Variants in CDCA8 observed in about 807,000 individuals in gnomAD.
CDCA8 encodes the protein borealin.
In CDCA8, 25 loss-of-function variants were observed where a neutral mutation model predicts 40.0. The ratio of observed to expected loss-of-function variants is 0.63; its 90% CI spans 0.46 to 0.87. CDCA8 has a LOEUF of 0.87. CDCA8 is among the 40% of genes least tolerant of loss of function. The pLI, the probability that CDCA8 is intolerant of heterozygous loss-of-function variation, is 0.00. For synonymous variants in CDCA8, 111 were observed against 126.5 expected (o/e 0.88, Z 0.82); for missense variants, 280 against 348.4 (o/e 0.80, Z 1.56).
At position 37,709,074 on chromosome 1, in the gene CDCA8, T is replaced by G. The variant is rs1350590558; in HGVS notation, c.*708T>G. The stretch of plus-strand genomic sequence containing the variant: ...GAAGTCTGCTTGTGGAGCAGTGTTT[T>G]ATGTTTATCCCTGTTTACTGAAGAC... On this transcript the variant is annotated 3_prime_UTR_variant, in exon 10 of 10. Transcript: ENST00000373055. 6.6e-6 allele frequency: 1 copy of G among 152,504 alleles called. No individual in the cohort carries two copies. Among genetic ancestry groups the G allele is most frequent in the African/African-American group, 2.4e-5 (1 of 41,442 alleles). 9.4% of individuals were successfully genotyped at this position (152,504 alleles called of 1,614,324 possible). A position where few individuals can be genotyped will look rare whatever the true frequency, so the allele number is the denominator to read the frequency against.
intron 7 of CDCA8, among the ~76,000 whole-genome samples, chr1:37,703,972 G>A (rs1645582017): frequency 6.6e-6 from 1 of 152,008 alleles, no homozygotes; most frequent in South Asian, 2.1e-4. Context: ...TATTTATTAT[G>A]AGGCAGGGTC....
rs761391083 is a variant in CDCA8, at chr1:37,703,290, G to A, written c.527G>A (p.Arg176Gln). 2.6e-5 allele frequency: 42 copies of A among 1,613,848 alleles called. No homozygotes were observed. The highest frequency in any genetic ancestry group is 6.6e-5 in the South Asian group (6 of 91,080). ...RANTVTPAVG[R>Q]LEVSMVKPTP... ...AACACTGTTACCCCAGCCGTGGGCC[G>A]ATTGGAGGTGTCCATGGTCAAACCA... Residue 176 changes from arginine (R) to glutamine (Q), a missense_variant, in exon 7 of 10, where the codon CGA (arginine) becomes CAA (glutamine). Coordinates refer to ENST00000373055, the MANE Select transcript of CDCA8 (RefSeq NM_001256875.2).
intron 2 of CDCA8, among the ~76,000 whole-genome samples, chr1:37,693,668 G>T (rs1178453525): frequency 1.3e-5 from 2 of 151,810 alleles, no homozygotes; most frequent in Non-Finnish European, 2.9e-5. Context: ...CAAAGTGCTG[G>T]GATTACAGGA....
Position 37,698,919 on chromosome 1 carries a change from C to T in CDCA8, c.279C>T (p.Ile93=), listed in dbSNP as rs1645544087. 4 of 1,613,196 alleles carry T rather than the reference C, an allele frequency of 2.5e-6. No individual in the cohort carries two copies. The highest frequency in any genetic ancestry group is 3.4e-6 in the Non-Finnish European group (4 of 1,179,260). ...LEEAATADLD[I]TEINKLTAEA... Reference sequence around the variant, plus strand: ...GTTTGTCATAGGCTGACCTGGATATCACCGAAATAAACAAACTAACAGCAG... The same window carrying T: ...GTTTGTCATAGGCTGACCTGGATATTACCGAAATAAACAAACTAACAGCAG... The change falls in exon 4 of 10, where the codon ATC becomes ATT. Residue 93 remains isoleucine (I), a synonymous_variant. Coordinates refer to ENST00000373055, the MANE Select transcript of CDCA8 (RefSeq NM_001256875.2).
intron 3 of CDCA8, among the ~76,000 whole-genome samples, chr1:37,698,429 A>G (rs1645541446): frequency 6.6e-6 from 1 of 152,244 alleles, no homozygotes; most frequent in South Asian, 2.1e-4. Context: ...ACACAGTGGG[A>G]TATGATATAG....
At position 37,708,312 on chromosome 1, in the gene CDCA8, TTC is replaced by T; in HGVS notation, c.799-8_799-7del. 2 of 1,009,080 alleles carry T rather than the reference TTC, an allele frequency of 2.0e-6. No individual in the cohort carries two copies. The highest frequency in any genetic ancestry group is 2.0e-4 in the East Asian group (1 of 5,002). The allele number at this position is 1,009,080 out of a possible 1,614,324, so 62.5% of individuals were successfully genotyped here. On this transcript the variant is annotated splice_region_variant and splice_polypyrimidine_tract_variant and intron_variant, in intron 9 of 9. Coordinates refer to ENST00000373055, the MANE Select transcript of CDCA8 (RefSeq NM_001256875.2). ...ATCTTCTACAATGACCTCTCTCCTT[TTC>T]TTTTTAGAACCGTCTCGCCCAAATC...
Position 37,692,642 on chromosome 1 carries a change from T to G in CDCA8, c.-49T>G. On this transcript the variant is annotated 5_prime_UTR_variant, in exon 1 of 10. Transcript: ENST00000373055. ...CCCTCCTCGTCCCTACCCAGTTTCTTGCTTCCCTGCCCCATCTCCGCCGCT... is the reference window on the plus strand; with the variant it reads ...CCCTCCTCGTCCCTACCCAGTTTCTGGCTTCCCTGCCCCATCTCCGCCGCT... 2 of 1,488,522 alleles carry G rather than the reference T, an allele frequency of 1.3e-6. No individual in the cohort carries two copies. The highest frequency in any genetic ancestry group is 1.9e-6 in the Non-Finnish European group (2 of 1,075,926). The allele number at this position is 1,488,522 out of a possible 1,614,324, so 92.2% of individuals were successfully genotyped here.
chr1:37,702,380 G>T (rs74067218), intron 6 of CDCA8, among the ~76,000 whole-genome samples: 2 of 151,598 alleles, frequency 1.3e-5, no homozygotes, highest in African/African-American at 2.4e-5. Context: ...CCCATAGCTC[G>T]TCATAGAGTG....
chr1:37,696,601 G>T lies in CDCA8; in HGVS notation c.264+651G>T, dbSNP rs566543821. ...TAGAACATTGCTACTCTTGCAGAAA[G>T]TTTTATGAGACAGCATTGGGAACTA... is the stretch of plus-strand genomic sequence containing the variant. On this transcript the variant is annotated intron_variant, in intron 3 of 9. Coordinates refer to ENST00000373055, the MANE Select transcript of CDCA8 (RefSeq NM_001256875.2). The surrounding 1 kb of genome is among the most constrained non-coding windows in gnomAD (Gnocchi z 5.0). Among the ~76,000 whole-genome samples, 27 of 152,336 alleles carry T rather than the reference G, an allele frequency of 1.8e-4. No individual in the cohort carries two copies. Among genetic ancestry groups the T allele is most frequent in the African/African-American group, 6.3e-4 (26 of 41,572 alleles).
At position 37,708,629 on chromosome 1, in the gene CDCA8, C is replaced by T. The variant is rs374096959; in HGVS notation, c.*263C>T. 1.3e-5 allele frequency: 7 copies of T among 520,948 alleles called. No homozygotes were observed. In the East Asian group the frequency reaches 2.4e-4, roughly 18 times the overall value. The allele number at this position is 520,948 out of a possible 1,614,324, so 32.3% of individuals were successfully genotyped here. On this transcript the variant is annotated 3_prime_UTR_variant, in exon 10 of 10. Coordinates refer to ENST00000373055, the MANE Select transcript of CDCA8 (RefSeq NM_001256875.2). ...CCATCAGTCTCCCAGCTGAATCCTC[C>T]CTGCTCTCTGAGCTGCTGCCTTTTG...
intron 5 of CDCA8, 38 bp from the exon 6 acceptor site, chr1:37,701,715 GT>G (rs1321438920): frequency 2.0e-6 from 3 of 1,494,290 alleles, no homozygotes; most frequent in Admixed American, 1.9e-5. Flanking sequence ...TCTTTGCTGG[GT>G]TTTTTGTAAC....
intron 7 of CDCA8, among the ~76,000 whole-genome samples, chr1:37,704,037 T>C (rs1645582446): frequency 6.6e-6 from 1 of 152,154 alleles, no homozygotes; most frequent in Non-Finnish European, 1.5e-5. Context: ...CACTGCAACC[T>C]TGACTTCCCG....
At chr1:37,705,278 T>C (rs1298375162) in intron 7 of CDCA8, among the ~76,000 whole-genome samples, 163 bp from the exon 8 acceptor site, 2 of 152,248 alleles carry the variant, frequency 1.3e-5, no homozygotes, top group Admixed American at 6.5e-5. Flanking sequence ...TGTTTAGTCA[T>C]TACTGCTTTA....
In CDCA8 at chr1:37,700,458, T is replaced by A. The variant is rs145236103; in HGVS notation, c.360T>A (p.Asp120Glu). The A allele has an allele frequency of 3.2e-5, 52 of 1,609,300 alleles. No individual in the cohort carries two copies. Among genetic ancestry groups the A allele is most frequent in the Non-Finnish European group, 4.4e-5 (52 of 1,175,930 alleles). Residue 120 changes from aspartate (D) to glutamate (E), a missense_variant, in exon 5 of 10, where the codon GAT becomes GAA. By Grantham distance (45) the Asp-to-Glu change is conservative. Transcript: ENST00000373055. ...SAKTRKVIQV[D>E]EMIVEEEEEE... Reference sequence around the variant, plus strand: ...CAGCACGAAAGGTAATACAGGTAGATGAAATGATAGTGGAAGAGGAAGAAG... The same window carrying A: ...CAGCACGAAAGGTAATACAGGTAGAAGAAATGATAGTGGAAGAGGAAGAAG...
chr1:37,703,170 A>G, intron 6 of CDCA8, 82 bp from the exon 7 acceptor site: 1 of 1,050,258 alleles, frequency 9.5e-7, no homozygotes. Context: ...TCTCACAGTC[A>G]GCTCTCCACG....
At chr1:37,701,492 AG>A (rs1645563421) in intron 5 of CDCA8, among the ~76,000 whole-genome samples, 1 of 152,184 alleles carries the variant, frequency 6.6e-6, no homozygotes, top group Non-Finnish European at 1.5e-5. Context: ...GGTACAAGCC[AG>A]GCTGCAATCA....
intron 9 of CDCA8, among the ~76,000 whole-genome samples, chr1:37,707,316 A>G (rs753585570): frequency 2.0e-5 from 3 of 152,216 alleles, no homozygotes; most frequent in Non-Finnish European, 4.4e-5. Context: ...ATTCTGCCTC[A>G]TTCAGGCAGT....
At chr1:37,699,031 C>T (rs1188088526) in intron 4 of CDCA8, 54 bp downstream of exon 4, 31 of 1,247,374 alleles carry the variant, frequency 2.5e-5, no homozygotes, top group Non-Finnish European at 3.4e-5. Context: ...GCTCAGGTTG[C>T]TTGGTTGGCT....
chr1:37,692,582 C>T lies in CDCA8; in HGVS notation c.-109C>T. 3.6e-6 allele frequency: 3 copies of T among 826,492 alleles called. No homozygotes were observed. Among genetic ancestry groups the T allele is most frequent in the Admixed American group, 2.1e-5 (1 of 48,504 alleles). 51.2% of individuals were successfully genotyped at this position (826,492 alleles called of 1,614,324 possible). A position where few individuals can be genotyped will look rare whatever the true frequency, so the allele number is the denominator to read the frequency against. On this transcript the variant is annotated 5_prime_UTR_variant, in exon 1 of 10. The change creates a new upstream start codon in the 5' untranslated region. Coordinates refer to ENST00000373055, the MANE Select transcript of CDCA8 (RefSeq NM_001256875.2). ...AGCCCTTGTCTCGGGACCGCAGGTA[C>T]GTGCCTGGCGACTTCTTCGGGTGGT...
Sources: gnomAD v4.1 joint callset for allele counts (sites outside exome capture counted in the v4.1 genomes callset) on GRCh38, gnomAD v4.1.1 for gene constraint, Gnocchi (gnomAD v3.1) non-coding constraint, MANE v1.5 for transcripts, NCBI Gene and HGNC (gene_info 2026-07-23, HGNC 2026-07-21) for gene names.